Variants in DIS3 observed in about 807,000 individuals in gnomAD.
The protein encoded by DIS3 is DIS3 exosome endoribonuclease and 3'-5' exoribonuclease, also known as exosome complex exonuclease RRP44.
In DIS3, 103 loss-of-function variants were observed where a neutral mutation model predicts 113.0. The ratio of observed to expected loss-of-function variants is 0.91; its 90% CI spans 0.78 to 1.07. The LOEUF (loss-of-function observed/expected upper bound fraction) is 1.07, where lower values mean the gene tolerates loss of function less well. DIS3 is among the 50% of genes least tolerant of loss of function. The pLI, the probability that DIS3 is intolerant of heterozygous loss-of-function variation, is 0.00. For synonymous variants in DIS3, 402 were observed against 394.3 expected (o/e 1.02, Z -0.23); for missense variants, 1,121 against 1,167.1 (o/e 0.96, Z 0.58).
intron 18 of DIS3, 37 bp from the exon 19 acceptor site, chr13:72,761,558 A>G (rs1404571798): frequency 6.5e-7 from 1 of 1,530,506 alleles, no homozygotes; most frequent in Non-Finnish European, 8.8e-7. Context: ...AATTGTCTTA[A>G]AAATTTTTAA....
chr13:72,759,797 A>G lies in DIS3; in HGVS notation c.2875T>C (p.Ter959GlnextTer14), dbSNP rs141067458. The G allele has an allele frequency of 2.6e-3, 4,208 of 1,611,450 alleles. 11 individuals carry two copies. Among genetic ancestry groups the G allele is most frequent in the Non-Finnish European group, 3.3e-3 (3,839 of 1,179,026 alleles). The change falls in exon 21 of 21, where the codon TAG becomes CAG. Residue 959 changes from the stop codon to glutamine, a stop_lost. Coordinates refer to ENST00000377767, the MANE Select transcript of DIS3 (RefSeq NM_014953.5). ...TTGAAGATTTTTGTTGAATATAGCT[A>G]TTTTCCAAGCTTCATCTTCTTTTTC... ...PKKKKMKLGK* is the reference protein window; with the variant it reads ...PKKKKMKLGKQ
In DIS3 at chr13:72,755,040, C is replaced by T. The variant is rs1051218712; in HGVS notation, c.*4755G>A. ...AAATACTGTATCTTTACTGTCCCTT[C>T]AGAGTTCAGCTAAAGAAACGTGCTT... On this transcript the variant is annotated 3_prime_UTR_variant, in exon 21 of 21. Transcript: ENST00000377767. 1.6e-5 allele frequency: 13 copies of T among 805,040 alleles called. No individual in the cohort carries two copies. Among genetic ancestry groups the T allele is most frequent in the African/African-American group, 3.4e-5 (2 of 58,086 alleles). 49.9% of individuals were successfully genotyped at this position (805,040 alleles called of 1,614,324 possible). A position where few individuals can be genotyped will look rare whatever the true frequency, so the allele number is the denominator to read the frequency against.
At chr13:72,777,834 G>C (rs1436824851) in intron 3 of DIS3, among the ~76,000 whole-genome samples, 1 of 151,052 alleles carries the variant, frequency 6.6e-6, no homozygotes, top group Non-Finnish European at 1.5e-5. Flanking sequence ...CAAGCCTCTT[G>C]CCCTGACCTC....
In DIS3 at chr13:72,778,214, T is replaced by G. The variant is rs1271348629; in HGVS notation, c.553A>C (p.Ile185Leu). ...TNDRRNKEKA[I>L]EEGIPAFTCE... The stretch of plus-strand genomic sequence containing the variant: ...GTGAAAGCTGGTATTCCTTCTTCTA[T>G]GGCTTTCTCTTTGTTTCTCCTGTCA... Residue 185 changes from isoleucine to leucine, a missense_variant, in exon 3 of 21, where the codon ATA becomes CTA. Coordinates refer to ENST00000377767, the MANE Select transcript of DIS3 (RefSeq NM_014953.5). 1 of 1,598,360 alleles carries G rather than the reference T, an allele frequency of 6.3e-7. No homozygotes were observed. Among genetic ancestry groups the G allele is most frequent in the Non-Finnish European group, 8.6e-7 (1 of 1,167,630 alleles).
rs369343055 is a variant in DIS3 at position 72,773,842 on chromosome 13, A to G, written c.1102-21T>C. The G allele has an allele frequency of 1.7e-5, 28 of 1,600,576 alleles. 1 individual carries two copies. In the South Asian group the frequency reaches 2.9e-4, roughly 16 times the overall value. On this transcript the variant is annotated intron_variant, in intron 7 of 20. Coordinates refer to ENST00000377767, the MANE Select transcript of DIS3 (RefSeq NM_014953.5). ...CTTGACTAGCAAAAATTAGGAATAAAGATTTTACACAAAAAAAATCTGAGG... is the reference window on the plus strand; with the variant it reads ...CTTGACTAGCAAAAATTAGGAATAAGGATTTTACACAAAAAAAATCTGAGG...
chr13:72,781,156 C>T, intron 1 of DIS3, 153 bp from the exon 2 acceptor site: 1 of 1,362,228 alleles, frequency 7.3e-7, no homozygotes, highest in South Asian at 1.3e-5. Context: ...GAAAACGAGA[C>T]AATAGTCACT....
chr13:72,777,486 T>A lies in DIS3; in HGVS notation c.588A>T (p.Glu196Asp). 1 of 1,613,944 alleles carries A rather than the reference T, an allele frequency of 6.2e-7. No individual in the cohort carries two copies. The highest frequency in any genetic ancestry group is 8.5e-7 in the Non-Finnish European group (1 of 1,179,882). The change falls in exon 4 of 21, where the codon GAA becomes GAT. Residue 196 changes from glutamate (E) to aspartate (D), a missense_variant. Coordinates refer to ENST00000377767, the MANE Select transcript of DIS3 (RefSeq NM_014953.5). Reference sequence around the variant, plus strand: ...GGTTAGCAGTTAGGCTCTTTACATATTCTTCACCTGAAAAAATAAGTTTAT... The same window carrying A: ...GGTTAGCAGTTAGGCTCTTTACATAATCTTCACCTGAAAAAATAAGTTTAT... ...EEGIPAFTCE[E>D]YVKSLTANPE...
chr13:72,772,585 A>T (rs1024400670), intron 9 of DIS3, 108 bp downstream of exon 9: 4 of 1,209,344 alleles, frequency 3.3e-6, no homozygotes, highest in Non-Finnish European at 3.4e-6. Context: ...AAAATGCAGG[A>T]AAAGAGGGCC....
At chr13:72,760,747 A>C in intron 19 of DIS3, 96 bp from the exon 20 acceptor site, 1 of 1,422,762 alleles carries the variant, frequency 7.0e-7, no homozygotes, top group South Asian at 1.5e-5. Context: ...AGAAGTTTAA[A>C]TATAAAAATT....
chr13:72,772,395 G>T, intron 9 of DIS3, 120 bp from the exon 10 acceptor site: 1 of 792,968 alleles, frequency 1.3e-6, no homozygotes, highest in Non-Finnish European at 1.9e-6. Context: ...TTTTCTTGAT[G>T]ACAACCACAT....
At chr13:72,771,261 TG>T in intron 11 of DIS3, 116 bp from the exon 12 acceptor site, 1 of 812,796 alleles carries the variant, frequency 1.2e-6, no homozygotes, top group Non-Finnish European at 1.9e-6. Flanking sequence ...TTCTGCTTTT[TG>T]TAAATAGGAG....
intron 15 of DIS3, among the ~76,000 whole-genome samples, chr13:72,764,624 G>A (rs922277323): frequency 5.3e-5 from 8 of 152,010 alleles, no homozygotes; most frequent in Non-Finnish European, 1.0e-4. Context: ...TACATTTTTC[G>A]GTTAGTTTAG....
intron 15 of DIS3, among the ~76,000 whole-genome samples, chr13:72,764,657 T>A (rs2033705144): frequency 6.6e-6 from 1 of 152,244 alleles, no homozygotes; most frequent in Non-Finnish European, 1.5e-5. Context: ...CTTCTGTTGA[T>A]ACAGTGCTTT....
chr13:72,781,083 G>T, intron 1 of DIS3, 80 bp from the exon 2 acceptor site: 1 of 1,438,454 alleles, frequency 7.0e-7, no homozygotes, highest in South Asian at 1.3e-5. Flanking sequence ...TTTTATGTTG[G>T]GCATAAATAC....
Position 72,760,538 on chromosome 13 carries a change from T to C in DIS3, c.2784A>G (p.Val928=). ...TTAAGTTTGGCCTTACCTGTGGTTC[T>C]ACCAGGGACATTCGGATCTTCTGAT... ...LQHQKIRMSL[V]EPQIPGISIP... The change falls in exon 20 of 21, where the codon GTA becomes GTG. Residue 928 remains valine, a synonymous_variant. Transcript: ENST00000377767. The C allele has an allele frequency of 1.9e-6, 3 of 1,613,614 alleles. No homozygotes were observed. The highest frequency in any genetic ancestry group is 2.5e-6 in the Non-Finnish European group (3 of 1,179,648).
chr13:72,781,799 G>C lies in DIS3; in HGVS notation c.34C>G (p.Arg12Gly), dbSNP rs774109717. ...ACGATCTTCATCACGCCGCCCGCCCGGGTCTTTTTTAAGAACGTCTTGGAC... is the reference window on the plus strand; with the variant it reads ...ACGATCTTCATCACGCCGCCCGCCCCGGTCTTTTTTAAGAACGTCTTGGAC... ...LKSKTFLKKT[R>G]AGGVMKIVRE... is the part of the protein sequence containing the mutation. The change falls in exon 1 of 21, where the codon CGG becomes GGG. Residue 12 changes from arginine to glycine, a missense_variant. By Grantham distance (125) the Arg-to-Gly change is moderately radical. Transcript: ENST00000377767. 1 of 1,604,262 alleles carries C rather than the reference G, an allele frequency of 6.2e-7. No individual in the cohort carries two copies. The highest frequency in any genetic ancestry group is 1.1e-5 in the South Asian group (1 of 89,602).
At chr13:72,770,332 T>C (rs574037130) in intron 13 of DIS3, among the ~76,000 whole-genome samples, 166 of 152,214 alleles carry the variant, frequency 1.1e-3, no homozygotes, top group Non-Finnish European at 1.8e-3. Flanking sequence ...CATTCTATCC[T>C]GAGGGCACAG....
Position 72,761,445 on chromosome 13 carries a change from A to T in DIS3, c.2588T>A (p.Leu863Ter). The T allele has an allele frequency of 6.2e-7, 1 of 1,611,740 alleles. No homozygotes were observed. Among genetic ancestry groups the T allele is most frequent in the Non-Finnish European group, 8.5e-7 (1 of 1,179,310 alleles). ...LFVRKNAIVV[L>*]IPKYGLEGTV... ...CCCTTCTAAACCATACTTTGGAATT[A>T]ATACCACAATGGCATTCTTTCTTAC... Residue 863 changes from leucine (L) to a stop codon, truncating the protein, a stop_gained, in exon 19 of 21, where the codon TTA becomes TAA. Transcript: ENST00000377767. LOFTEE classifies it high-confidence loss of function.
intron 14 of DIS3, among the ~76,000 whole-genome samples, chr13:72,767,437 CAA>C (rs1362800165): frequency 2.0e-5 from 3 of 151,856 alleles, no homozygotes; most frequent in Non-Finnish European, 2.9e-5. Flanking sequence ...TTCTTATATA[CAA>C]GTGACAAGCT....
Sources: allele counts gnomAD v4.1 joint callset (sites outside exome capture counted in the v4.1 genomes callset), GRCh38; gene constraint gnomAD v4.1.1; transcripts MANE v1.5; gene names NCBI Gene and HGNC (gene_info 2026-07-23, HGNC 2026-07-21).